Variants in DUSP10 observed in about 807,000 individuals in gnomAD.
The protein encoded by DUSP10 is dual specificity protein phosphatase 10.
DUSP10 carries 14 observed loss-of-function variants against 30.8 expected under a neutral mutation model. That is an observed-to-expected ratio of 0.46 (90% confidence interval 0.30 to 0.71). DUSP10 has a LOEUF of 0.71. Among genes scored for constraint, DUSP10 ranks in the 30% least tolerant of loss-of-function variants. DUSP10 has a pLI of 0.08. For missense variants in DUSP10, 550 were observed against 619.4 expected, an observed-to-expected ratio of 0.89 and a Z score of 1.19; for synonymous variants, 254 against 250.4, an observed-to-expected ratio of 1.01 and a Z score of -0.14.
At chr1:221,720,931 A>G (rs1420570154) in intron 2 of DUSP10, among the ~76,000 whole-genome samples, 1 of 152,198 alleles carries the variant, frequency 6.6e-6, no homozygotes, top group African/African-American at 2.4e-5. Flanking sequence ...TGTTCTTATT[A>G]AAGTGTGGAC....
chr1:221,704,419 C>T (rs1037876832), intron 3 of DUSP10, among the ~76,000 whole-genome samples: 118 of 152,118 alleles, frequency 7.8e-4, no homozygotes, highest in African/African-American at 2.8e-3. Context: ...TTACCCTACT[C>T]ATTAAATAGA....
intron 2 of DUSP10, among the ~76,000 whole-genome samples, chr1:221,713,633 G>A (rs1368551343): frequency 1.3e-5 from 2 of 152,100 alleles, no homozygotes; most frequent in African/African-American, 2.4e-5. Flanking sequence ...ATGTATACAT[G>A]CAGCCTCATT....
At chr1:221,739,842 A>C in intron 1 of DUSP10, 55 bp from the exon 2 acceptor site, 1 of 1,454,410 alleles carries the variant, frequency 6.9e-7, no homozygotes, top group Non-Finnish European at 9.0e-7. Context: ...CACAAAAGGC[A>C]GTCTCATCCA....
chr1:221,704,926 T>C (rs1388605180), intron 3 of DUSP10, among the ~76,000 whole-genome samples: 1 of 152,178 alleles, frequency 6.6e-6, no homozygotes, highest in Admixed American at 6.5e-5. Context: ...GCTGTTTTTT[T>C]CTTTCTCTGA....
intron 2 of DUSP10, among the ~76,000 whole-genome samples, chr1:221,717,104 G>C (rs1160776538): frequency 6.6e-6 from 1 of 152,164 alleles, no homozygotes; most frequent in Non-Finnish European, 1.5e-5. Context: ...TCCAGTTCCT[G>C]GGTGCTATGA....
At chr1:221,727,473 A>C (rs1661458056) in intron 2 of DUSP10, among the ~76,000 whole-genome samples, 1 of 152,218 alleles carries the variant, frequency 6.6e-6, no homozygotes, top group South Asian at 2.1e-4. Flanking sequence ...CTATGTCTGT[A>C]AAATGGGATG....
chr1:221,731,289 C>A lies in DUSP10; in HGVS notation c.811+7645G>T, dbSNP rs182094904. On this transcript the variant is annotated intron_variant, in intron 2 of 3. Transcript: ENST00000366899. Reference sequence around the variant, plus strand: ...AAACATTTTATTTTTTTAAAGCAGGCCAAAACCTTGCCTCTGAAATATTGT... The same window carrying A: ...AAACATTTTATTTTTTTAAAGCAGGACAAAACCTTGCCTCTGAAATATTGT... Among the ~76,000 whole-genome samples the A allele has an allele frequency of 4.6e-5, 7 of 152,140 alleles. No homozygotes were observed. The East Asian group carries it at 1.2e-3, about 25-fold the overall frequency.
At chr1:221,738,805 G>C in intron 2 of DUSP10, 129 bp downstream of exon 2, 1 of 1,204,972 alleles carries the variant, frequency 8.3e-7, no homozygotes, top group Non-Finnish European at 1.2e-6. Context: ...AGCATAGAAG[G>C]GAAGAGAAGA....
intron 2 of DUSP10, among the ~76,000 whole-genome samples, chr1:221,717,684 G>A (rs1213444335): frequency 6.6e-6 from 1 of 152,050 alleles, no homozygotes; most frequent in Non-Finnish European, 1.5e-5. Flanking sequence ...CCTGTGATGG[G>A]AGTAGTACCT....
Position 221,703,066 on chromosome 1 carries a change from TG to T in DUSP10, c.1184-390del, listed in dbSNP as rs199502501. On this transcript the variant is annotated intron_variant, in intron 3 of 3. Coordinates refer to ENST00000366899, the MANE Select transcript of DUSP10 (RefSeq NM_007207.6). ...TCACTGAACCTTCTCTCAAATGTCT[TG>T]TTCTCTTTTTTTCTGGAATTACACT... Among the ~76,000 whole-genome samples, 197 of 152,266 alleles carry T rather than the reference TG, an allele frequency of 1.3e-3. 1 individual carries two copies. The East Asian group carries it at 0.028, about 22-fold the overall frequency.
At chr1:221,729,848 T>C (rs1661531319) in intron 2 of DUSP10, among the ~76,000 whole-genome samples, 1 of 152,186 alleles carries the variant, frequency 6.6e-6, no homozygotes, top group Non-Finnish European at 1.5e-5. Context: ...AAATAGAAAT[T>C]AAAAGAAACA....
intron 2 of DUSP10, among the ~76,000 whole-genome samples, chr1:221,727,423 C>CTAA (rs1661456066): frequency 6.6e-6 from 1 of 152,188 alleles, no homozygotes; most frequent in South Asian, 2.1e-4. Flanking sequence ...GCCAGTACTG[C>CTAA]TAATAGCTAT....
intron 2 of DUSP10, among the ~76,000 whole-genome samples, chr1:221,723,435 A>C (rs1394794131): frequency 6.6e-6 from 1 of 152,244 alleles, no homozygotes; most frequent in Non-Finnish European, 1.5e-5. Context: ...TATAATTCTG[A>C]AACTGACTAA....
intron 2 of DUSP10, among the ~76,000 whole-genome samples, chr1:221,707,451 T>C (rs1002826158): frequency 1.3e-5 from 2 of 152,230 alleles, no homozygotes; most frequent in Non-Finnish European, 2.9e-5. Context: ...GATGTGTGAA[T>C]GCATGCTTTT....
intron 2 of DUSP10, among the ~76,000 whole-genome samples, chr1:221,713,774 T>G (rs1234976373): frequency 2.0e-5 from 3 of 152,230 alleles, no homozygotes; most frequent in Non-Finnish European, 4.4e-5. Context: ...TAAATCCCTT[T>G]GTACACAGGA....
At chr1:221,724,279 TA>T (rs1211494885) in intron 2 of DUSP10, among the ~76,000 whole-genome samples, 7 of 152,166 alleles carry the variant, frequency 4.6e-5, no homozygotes, top group Non-Finnish European at 7.4e-5. Context: ...ATAATACTGT[TA>T]TTACCACATT....
In DUSP10 at chr1:221,739,283, G is replaced by A. The variant is rs374050420; in HGVS notation, c.462C>T (p.Asp154=). The A allele has an allele frequency of 9.3e-6, 15 of 1,614,066 alleles. No individual in the cohort carries two copies. Among genetic ancestry groups the A allele is most frequent in the African/African-American group, 1.3e-5 (1 of 74,930 alleles). ...TGCATTTGGTCATCTTCTTTGCCAA[G>A]TCATTGGGGTAGATTATTTTGATGC... ...LASIKIIYPN[D]LAKKMTKCSK... Residue 154 remains aspartate (D), a synonymous_variant, in exon 2 of 4, where the codon GAC becomes GAT. Transcript: ENST00000366899.
intron 2 of DUSP10, among the ~76,000 whole-genome samples, chr1:221,707,975 T>G (rs1170326994): frequency 1.3e-5 from 2 of 152,210 alleles, no homozygotes; most frequent in Non-Finnish European, 2.9e-5. Context: ...CAAAGGATTA[T>G]TACAAAGCTC....
chr1:221,711,209 G>A (rs867506460), intron 2 of DUSP10, among the ~76,000 whole-genome samples: 6 of 152,164 alleles, frequency 3.9e-5, no homozygotes, highest in African/African-American at 1.4e-4. Context: ...CTGTTTTGGC[G>A]ACTGCAGTCC....
Sources: gnomAD v4.1 joint callset for allele counts (sites outside exome capture counted in the v4.1 genomes callset) on GRCh38, gnomAD v4.1.1 for gene constraint, MANE v1.5 for transcripts, NCBI Gene and HGNC (gene_info 2026-07-23, HGNC 2026-07-21) for gene names.